C18orf63: variants seen among roughly 807,000 people sequenced by gnomAD.
C18orf63 encodes uncharacterized protein C18orf63.
A neutral mutation model predicts 75.3 loss-of-function variants in C18orf63; 50 were observed. The ratio of observed to expected loss-of-function variants is 0.66; its 90% CI spans 0.53 to 0.84. The LOEUF (loss-of-function observed/expected upper bound fraction) is 0.84. Among genes scored for constraint, C18orf63 ranks in the 40% least tolerant of loss-of-function variants. The pLI is 0.00. For synonymous variants in C18orf63, 232 were observed against 267.6 expected, an observed-to-expected ratio of 0.87 and a Z score of 1.30; for missense variants, 732 against 800.2, an observed-to-expected ratio of 0.91 and a Z score of 1.03.
intron 11 of C18orf63, among the ~76,000 whole-genome samples, chr18:74,348,329 T>A (rs758827831): frequency 2.6e-5 from 4 of 152,208 alleles, no homozygotes; most frequent in African/African-American, 7.2e-5. Context: ...AAAACCCATA[T>A]GTCCTATAAA....
intron 11 of C18orf63, among the ~76,000 whole-genome samples, chr18:74,346,356 A>G (rs1984574894): frequency 6.6e-6 from 1 of 152,120 alleles, no homozygotes; most frequent in African/African-American, 2.4e-5. Context: ...GTATTCTGAG[A>G]CCACAATATT....
intron 4 of C18orf63, among the ~76,000 whole-genome samples, chr18:74,324,273 T>A (rs1984172072): frequency 6.6e-6 from 1 of 152,240 alleles, no homozygotes; most frequent in African/African-American, 2.4e-5. Context: ...CCACTGCCAC[T>A]ACTACCACTG....
At position 74,357,882 on chromosome 18, in the gene C18orf63, T is replaced by C. The variant is rs1984795791; in HGVS notation, c.*1435T>C. 1 of 152,200 alleles carries C rather than the reference T, an allele frequency of 6.6e-6. No homozygotes were observed. The highest frequency in any genetic ancestry group is 2.1e-4 in the South Asian group (1 of 4,836). 9.4% of individuals were successfully genotyped at this position (152,200 alleles called of 1,614,324 possible). A position where few individuals can be genotyped will look rare whatever the true frequency, so the allele number is the denominator to read the frequency against. On this transcript the variant is annotated 3_prime_UTR_variant, in exon 14 of 14. Coordinates refer to ENST00000579455, the MANE Select transcript of C18orf63 (RefSeq NM_001174123.2). ...TTTTCTCATTCCAAAGTTTGTATTA[T>C]AGATATCTAGTAGACTGTTATAAAG...
intron 4 of C18orf63, among the ~76,000 whole-genome samples, chr18:74,325,403 T>G (rs553609405): frequency 3.3e-5 from 5 of 152,350 alleles, no homozygotes; most frequent in African/African-American, 1.2e-4. Flanking sequence ...CTTTATAACT[T>G]GAATCTTTTT....
intron 4 of C18orf63, among the ~76,000 whole-genome samples, chr18:74,326,326 C>CT (rs1171552153): frequency 2.0e-5 from 3 of 152,168 alleles, no homozygotes; most frequent in African/African-American, 7.2e-5. Flanking sequence ...TCTGCATGTC[C>CT]TTTTTCACAG....
In C18orf63 at chr18:74,338,004, G is replaced by A. The variant is rs527358077; in HGVS notation, c.502-711G>A. On this transcript the variant is annotated intron_variant, in intron 7 of 13. Coordinates refer to ENST00000579455, the MANE Select transcript of C18orf63 (RefSeq NM_001174123.2). ...AGATGTTAGGTGGTTGGTTAAGAAT[G>A]GGGTAAGGGTTTATGAATCATTCTG... 2.0e-5 allele frequency among the ~76,000 whole-genome samples: 3 copies of A among 152,252 alleles called. No individual in the cohort carries two copies. The East Asian group carries it at 5.8e-4, about 29-fold the overall frequency.
rs982913161 is a variant in C18orf63, at chr18:74,342,050, T to C, written c.630T>C (p.Ile210=). 5 of 1,517,522 alleles carry C rather than the reference T, an allele frequency of 3.3e-6. No individual in the cohort carries two copies. The East Asian group carries it at 1.2e-4, about 37-fold the overall frequency. 94.0% of individuals were successfully genotyped at this position (1,517,522 alleles called of 1,614,324 possible). A position where few individuals can be genotyped will look rare whatever the true frequency, so the allele number is the denominator to read the frequency against. The change falls in exon 9 of 14, where the codon ATT becomes ATC. Residue 210 remains isoleucine (I), a synonymous_variant. Transcript: ENST00000579455. ...YVLPSMKMGQ[I]INIFHAIPAA... ...TTCATAGTATGAAAATGGGACAAAT[T>C]ATAAATATTTTTCATGCCATCCCCG...
In C18orf63 at chr18:74,348,497, T is replaced by C. The variant is rs145295150; in HGVS notation, c.979-4749T>C. 1.1e-4 allele frequency among the ~76,000 whole-genome samples: 16 copies of C among 152,328 alleles called. No individual in the cohort carries two copies. In the East Asian group the frequency reaches 2.9e-3, roughly 28 times the overall value. Reference sequence around the variant, plus strand: ...CTCAAGTTTCATTTTCATTTAATTATTGCTTTAATATTAAGCTTCTGTGAA... The same window carrying C: ...CTCAAGTTTCATTTTCATTTAATTACTGCTTTAATATTAAGCTTCTGTGAA... On this transcript the variant is annotated intron_variant, in intron 11 of 13. Transcript: ENST00000579455.
At chr18:74,344,384 A>C (rs1267594500) in intron 11 of C18orf63, among the ~76,000 whole-genome samples, 1 of 148,418 alleles carries the variant, frequency 6.7e-6, no homozygotes, top group Non-Finnish European at 1.5e-5. Flanking sequence ...TGCATTTTTA[A>C]AATCTATTCT....
intron 7 of C18orf63, among the ~76,000 whole-genome samples, chr18:74,338,359 T>C (rs1164302012): frequency 4.6e-5 from 7 of 152,076 alleles, no homozygotes; most frequent in African/African-American, 1.7e-4. Context: ...CAATTGAGGT[T>C]AAAAGCTATT....
intron 8 of C18orf63, among the ~76,000 whole-genome samples, chr18:74,340,602 C>G (rs1984464408): frequency 6.6e-6 from 1 of 152,092 alleles, no homozygotes; most frequent in Non-Finnish European, 1.5e-5. Flanking sequence ...GTGGAATCAA[C>G]CTAAGTGCCC....
rs147412722 is a variant in C18orf63, at chr18:74,349,841, G to A, written c.979-3405G>A. Among the ~76,000 whole-genome samples the A allele has an allele frequency of 6.0e-3, 907 of 152,300 alleles. 6 individuals are homozygous for A. Among genetic ancestry groups the A allele is most frequent in the African/African-American group, 0.021 (866 of 41,574 alleles). On this transcript the variant is annotated intron_variant, in intron 11 of 13. Coordinates refer to ENST00000579455, the MANE Select transcript of C18orf63 (RefSeq NM_001174123.2). Reference sequence around the variant, plus strand: ...AAATCAAAGGCATTCATAGTTAAGCGTTTCTGCAAAAACAGAAGTGTGGCT... The same window carrying A: ...AAATCAAAGGCATTCATAGTTAAGCATTTCTGCAAAAACAGAAGTGTGGCT...
chr18:74,350,039 A>G (rs1984640520), intron 11 of C18orf63, among the ~76,000 whole-genome samples: 1 of 152,176 alleles, frequency 6.6e-6, no homozygotes, highest in Non-Finnish European at 1.5e-5. Context: ...AGTCCATCCT[A>G]TCCATTGCAG....
intron 8 of C18orf63, among the ~76,000 whole-genome samples, chr18:74,341,611 C>G (rs964451392): frequency 6.6e-6 from 1 of 152,010 alleles, no homozygotes; most frequent in African/African-American, 2.4e-5. Context: ...GGCTTGAACC[C>G]GGGAAGCAGA....
Position 74,358,916 on chromosome 18 carries a change from T to C in C18orf63, c.*2469T>C, listed in dbSNP as rs1409969272. On this transcript the variant is annotated 3_prime_UTR_variant, in exon 14 of 14. Transcript: ENST00000579455. ...TATTTGCATTTGTTGCTTATTGTAG[T>C]AAAAAGGTAAAAAAAAAATGAACTT... 1.9e-5 allele frequency: 2 copies of C among 107,794 alleles called. No individual in the cohort carries two copies. The highest frequency in any genetic ancestry group is 5.9e-5 in the African/African-American group (2 of 33,636). The allele number at this position is 107,794 out of a possible 1,614,324, so 6.7% of individuals were successfully genotyped here. A position where few individuals can be genotyped will look rare whatever the true frequency, so the allele number is the denominator to read the frequency against.
At chr18:74,347,019 A>T (rs2145129554) in intron 11 of C18orf63, among the ~76,000 whole-genome samples, 1 of 152,336 alleles carries the variant, frequency 6.6e-6, no homozygotes. Flanking sequence ...TAGTCCTGTA[A>T]TTGGAAAAAG....
chr18:74,342,065 T>C lies in C18orf63; in HGVS notation c.645T>C (p.His215=). 6.5e-7 allele frequency: 1 copy of C among 1,527,450 alleles called. No homozygotes were observed. Among genetic ancestry groups the C allele is most frequent in the Middle Eastern group, 1.7e-4 (1 of 5,964 alleles). The allele number at this position is 1,527,450 out of a possible 1,614,324, so 94.6% of individuals were successfully genotyped here. A position where few individuals can be genotyped will look rare whatever the true frequency, so the allele number is the denominator to read the frequency against. The part of the protein sequence containing the change: ...MKMGQIINIF[H]AIPAACPFHS... Reference sequence around the variant, plus strand: ...TGGGACAAATTATAAATATTTTTCATGCCATCCCCGCTGCCTGTCCTTTTC... The same window carrying C: ...TGGGACAAATTATAAATATTTTTCACGCCATCCCCGCTGCCTGTCCTTTTC... The change falls in exon 9 of 14, where the codon CAT becomes CAC. Residue 215 remains histidine (H), a synonymous_variant. Transcript: ENST00000579455.
rs564315376 is a variant in C18orf63 at position 74,328,152 on chromosome 18, A to G, written c.382+94A>G. The G allele has an allele frequency of 7.0e-6, 5 of 713,876 alleles. No individual in the cohort carries two copies. The South Asian group carries it at 9.6e-5, about 14-fold the overall frequency. 44.2% of individuals were successfully genotyped at this position (713,876 alleles called of 1,614,324 possible). On this transcript the variant is annotated intron_variant, in intron 5 of 13. Transcript: ENST00000579455. Reference sequence around the variant, plus strand: ...ATTCTCATGCTGCTAATAAAGACATACTGGAGACTGGAAAATTTATAAAGG... The same window carrying G: ...ATTCTCATGCTGCTAATAAAGACATGCTGGAGACTGGAAAATTTATAAAGG...
rs1984818031 is a variant in C18orf63 at position 74,358,954 on chromosome 18, C to T, written c.*2507C>T. 1 of 151,762 alleles carries T rather than the reference C, an allele frequency of 6.6e-6. No individual in the cohort carries two copies. The highest frequency in any genetic ancestry group is 1.5e-5 in the Non-Finnish European group (1 of 67,924). The allele number at this position is 151,762 out of a possible 1,614,324, so 9.4% of individuals were successfully genotyped here. ...AAAAAATGAACTTGTTAATGATTAG[C>T]TTTTATTTGACTAACCAGTTGACCA... On this transcript the variant is annotated 3_prime_UTR_variant, in exon 14 of 14. Transcript: ENST00000579455.
Sources: allele counts gnomAD v4.1 joint callset (sites outside exome capture counted in the v4.1 genomes callset), GRCh38; gene constraint gnomAD v4.1.1; transcripts MANE v1.5; gene names NCBI Gene and HGNC (gene_info 2026-07-23, HGNC 2026-07-21).